The following CFAP65 variants were observed in gnomAD, a reference collection of about 807,000 sequenced individuals.
CFAP65 encodes cilia and flagella associated protein 65.
CFAP65 carries 155 observed loss-of-function variants against 208.0 expected under a neutral mutation model. The ratio of observed to expected loss-of-function variants is 0.75; its 90% CI spans 0.65 to 0.85. CFAP65 has a LOEUF of 0.85. CFAP65 is among the 40% of genes least tolerant of loss of function. CFAP65 has a pLI of 0.00. For synonymous variants in CFAP65, 970 were observed against 986.3 expected (o/e 0.98, Z 0.31); for missense variants, 2,294 against 2,451.3 (o/e 0.94, Z 1.36).
Position 219,040,536 on chromosome 2 carries a change from A to G in CFAP65, c.-20T>C. The G allele has an allele frequency of 6.6e-7, 1 of 1,518,950 alleles. No homozygotes were observed. Among genetic ancestry groups the G allele is most frequent in the Non-Finnish European group, 9.0e-7 (1 of 1,117,272 alleles). 94.1% of individuals were successfully genotyped at this position (1,518,950 alleles called of 1,614,324 possible). A position where few individuals can be genotyped will look rare whatever the true frequency, so the allele number is the denominator to read the frequency against. ...GCTCCTACCTCCAATTGTGAACTGGACGTTCAGATGAAATCAAAGAAATGT... is the reference window on the plus strand; with the variant it reads ...GCTCCTACCTCCAATTGTGAACTGGGCGTTCAGATGAAATCAAAGAAATGT... On this transcript the variant is annotated 5_prime_UTR_variant, in exon 2 of 35. Transcript: ENST00000341552.
rs1234867551 is a variant in CFAP65, at chr2:219,028,024, A to T, written c.1852-15T>A. 4.0e-6 allele frequency: 6 copies of T among 1,517,952 alleles called. No individual in the cohort carries two copies. The highest frequency in any genetic ancestry group is 2.8e-5 in the African/African-American group (2 of 71,808). 94.0% of individuals were successfully genotyped at this position (1,517,952 alleles called of 1,614,324 possible). On this transcript the variant is annotated splice_polypyrimidine_tract_variant and intron_variant, in intron 12 of 34. Coordinates refer to ENST00000341552, the MANE Select transcript of CFAP65 (RefSeq NM_194302.4). The stretch of plus-strand genomic sequence containing the variant: ...TCCTCCAGATCCTGCATGGGGAAAG[A>T]CAGGTGGATAGGGCTCAACTGCCAT...
chr2:219,009,834 G>C (rs1206448348), intron 27 of CFAP65, 108 bp downstream of exon 27: 1 of 931,484 alleles, frequency 1.1e-6, no homozygotes, highest in Admixed American at 3.6e-5. Flanking sequence ...GATGGGATGG[G>C]GTTTGTGGGG....
At chr2:219,016,376 C>A (rs1946887249) in intron 21 of CFAP65, among the ~76,000 whole-genome samples, 1 of 145,050 alleles carries the variant, frequency 6.9e-6, no homozygotes. Context: ...CTCACTGCAA[C>A]CTCCACCTTC....
At chr2:219,006,699 T>C (rs1295922509) in intron 29 of CFAP65, among the ~76,000 whole-genome samples, 190 bp from the exon 30 acceptor site, 1 of 152,124 alleles carries the variant, frequency 6.6e-6, no homozygotes, top group African/African-American at 2.4e-5. Context: ...TCAGATGCGG[T>C]AGCACGTGCC....
At chr2:219,014,887 A>C (rs1574560344) in intron 21 of CFAP65, 1 of 151,238 alleles carries the variant, frequency 6.6e-6, no homozygotes, top group Non-Finnish European at 1.5e-5. Context: ...CGCAACAAAC[A>C]CCTGAGAGGA....
At chr2:219,034,917 G>A (rs1948259650) in intron 5 of CFAP65, 1 of 159,998 alleles carries the variant, frequency 6.3e-6, no homozygotes, top group Admixed American at 6.3e-5. Flanking sequence ...GCTGGTGGGT[G>A]TCTAAAGAAA....
intron 14 of CFAP65, among the ~76,000 whole-genome samples, chr2:219,024,863 G>A (rs1255083923): frequency 6.6e-6 from 1 of 152,196 alleles, no homozygotes; most frequent in Non-Finnish European, 1.5e-5. Context: ...TTGAACCCAG[G>A]AGGCAGAGGT....
chr2:219,023,179 G>A (rs771323798), intron 16 of CFAP65, 28 bp downstream of exon 16: 109 of 1,580,336 alleles, frequency 6.9e-5, no homozygotes, highest in East Asian at 2.7e-4. Flanking sequence ...GAAGGTTGCC[G>A]TCACTCGGCA....
chr2:219,041,318 C>T, intron 1 of CFAP65, 170 bp downstream of exon 1: 1 of 607,134 alleles, frequency 1.6e-6, no homozygotes. Context: ...GATCCTTAGT[C>T]TGATTGATCT....
Position 219,003,895 on chromosome 2 carries a change from C to T in CFAP65, c.5555+57G>A, listed in dbSNP as rs1375570119. 28 of 1,563,902 alleles carry T rather than the reference C, an allele frequency of 1.8e-5. No homozygotes were observed. Among genetic ancestry groups the T allele is most frequent in the Admixed American group, 3.5e-5 (2 of 56,922 alleles). On this transcript the variant is annotated intron_variant, in intron 33 of 34. Transcript: ENST00000341552. This position sits in a 1 kb window ranked among gnomAD's most constrained non-coding sequence, Gnocchi z 4.4. ...GCCATCCTTGGCATCCCACTGCCTC[C>T]TAGGAACCTTCTGCACTTCGCCTCC... is the stretch of plus-strand genomic sequence containing the variant.
chr2:219,021,760 C>G lies in CFAP65; in HGVS notation c.3130+20G>C. The G allele has an allele frequency of 6.2e-7, 1 of 1,612,404 alleles. No homozygotes were observed. The highest frequency in any genetic ancestry group is 8.5e-7 in the Non-Finnish European group (1 of 1,179,472). On this transcript the variant is annotated intron_variant, in intron 18 of 34. Transcript: ENST00000341552. ...TCCTCCCACCTCCCCTGGCCCCAGT[C>G]CCAGCTCAGGCCCAAGTACCGAGGG...
Position 219,013,291 on chromosome 2 carries a change from T to A in CFAP65, c.3925A>T (p.Ile1309Phe). Reference protein sequence around the residue: ...FTSTTHQFIPIPIGDTLPPRQ... With the variant: ...FTSTTHQFIPFPIGDTLPPRQ... ...GGGGGTAGCGTGTCACCAATGGGAA[T>A]GGGGATGAACTGGTGGGTAGTAGAG... Residue 1309 changes from isoleucine (I) to phenylalanine (F), a missense_variant, in exon 24 of 35, where the codon ATT (isoleucine) becomes TTT (phenylalanine). Ile to Phe is a conservative substitution (Grantham distance 21). This residue lies in a region of CFAP65 where 1,427 missense variants were observed against 1,438.7 expected (regional missense o/e 0.99). Transcript: ENST00000341552. The A allele has an allele frequency of 6.2e-7, 1 of 1,613,912 alleles. No individual in the cohort carries two copies.
chr2:219,013,428 T>C, intron 23 of CFAP65, 59 bp from the exon 24 acceptor site: 1 of 1,537,418 alleles, frequency 6.5e-7, no homozygotes, highest in Middle Eastern at 1.7e-4. Context: ...TGGACCCCAG[T>C]TCCCCAGGAG....
chr2:219,023,946 C>G (rs1015037907), intron 15 of CFAP65, 69 bp downstream of exon 15: 2 of 1,546,912 alleles, frequency 1.3e-6, no homozygotes, highest in Non-Finnish European at 1.8e-6. Flanking sequence ...CAGAATATGG[C>G]CTTGAAAAGG....
In CFAP65 at chr2:219,004,541, G is replaced by T; in HGVS notation, c.5052-86C>A. The T allele has an allele frequency of 6.9e-7, 1 of 1,448,368 alleles. No individual in the cohort carries two copies. Among genetic ancestry groups the T allele is most frequent in the South Asian group, 1.4e-5 (1 of 72,768 alleles). The allele number at this position is 1,448,368 out of a possible 1,614,324, so 89.7% of individuals were successfully genotyped here. Reference sequence around the variant, plus strand: ...CTGGCTTCAGAGCTAGGTTCTAGGTGGGAAAGGGGCTGCTAGGTGGGGAGA... The same window carrying T: ...CTGGCTTCAGAGCTAGGTTCTAGGTTGGAAAGGGGCTGCTAGGTGGGGAGA... On this transcript the variant is annotated intron_variant, in intron 32 of 34. Transcript: ENST00000341552. This position sits in a 1 kb window ranked among gnomAD's most constrained non-coding sequence, Gnocchi z 4.7.
intron 24 of CFAP65, among the ~76,000 whole-genome samples, chr2:219,012,936 G>T (rs539432531): frequency 1.4e-3 from 213 of 152,266 alleles, no homozygotes; most frequent in African/African-American, 4.7e-3. Flanking sequence ...GTATATACTG[G>T]GGTGTAAGCA....
Position 219,030,813 on chromosome 2 carries a change from A to T in CFAP65, c.1037T>A (p.Val346Glu), listed in dbSNP as rs1947965468. The change falls in exon 9 of 35, where the codon GTG becomes GAG. Residue 346 changes from valine (V) to glutamate (E), a missense_variant. Val to Glu is a moderately radical substitution (Grantham distance 121). This residue lies in a region of CFAP65 where 867 missense variants were observed against 1,012.6 expected (regional missense o/e 0.86). Coordinates refer to ENST00000341552, the MANE Select transcript of CFAP65 (RefSeq NM_194302.4). ...QAVAKCAQLL[V>E]SIKHKCPEDQ... ...CTCCGGGCACTTGTGCTTTATGCTC[A>T]CCAGCAGCTGGGCGCACTTGGCTGG... is the stretch of plus-strand genomic sequence containing the variant. The T allele has an allele frequency of 6.2e-7, 1 of 1,613,956 alleles. No homozygotes were observed. Among genetic ancestry groups the T allele is most frequent in the African/African-American group, 1.3e-5 (1 of 74,940 alleles).
chr2:219,010,680 C>G lies in CFAP65; in HGVS notation c.4174G>C (p.Gly1392Arg), dbSNP rs753898309. The G allele has an allele frequency of 3.5e-5, 56 of 1,609,838 alleles. No homozygotes were observed. The highest frequency in any genetic ancestry group is 4.7e-5 in the Non-Finnish European group (55 of 1,178,590). The change falls in exon 26 of 35, where the codon GGA (glycine) becomes CGA (arginine). Residue 1392 changes from glycine (G) to arginine (R), a missense_variant. Gly to Arg is a moderately radical substitution (Grantham distance 125). Around this residue, in one of 2 missense-constraint regions of CFAP65, gnomAD observed 1,427 missense variants for 1,438.7 expected, o/e 0.99. Transcript: ENST00000341552. The stretch of plus-strand genomic sequence containing the variant: ...AAGTGGATGAGGGCCGAGTTCCATC[C>G]CAGGATGTGTATGGGCACGTCCACC... ...YTVDVPIHIL[G>R]WNSALIHFQG...
Position 219,023,354 on chromosome 2 carries a change from G to C in CFAP65, c.2673C>G (p.Thr891=), listed in dbSNP as rs746212984. Residue 891 remains threonine, a synonymous_variant, in exon 16 of 35, where the codon ACC becomes ACG. Coordinates refer to ENST00000341552, the MANE Select transcript of CFAP65 (RefSeq NM_194302.4). ...GGCTGGTGGAGGAGCAGCCCACCCAGGTGGGCTTGAAGTAGAGGCTTTTGT... is the reference window on the plus strand; with the variant it reads ...GGCTGGTGGAGGAGCAGCCCACCCACGTGGGCTTGAAGTAGAGGCTTTTGT... ...DTHKSLYFKP[T]WVGCSSTSPF... 1.9e-6 allele frequency: 3 copies of C among 1,609,808 alleles called. No individual in the cohort carries two copies. Among genetic ancestry groups the C allele is most frequent in the African/African-American group, 1.3e-5 (1 of 75,046 alleles).
Sources: allele counts gnomAD v4.1 joint callset (sites outside exome capture counted in the v4.1 genomes callset), GRCh38; gene constraint gnomAD v4.1.1; regional missense constraint gnomAD v4.1.1; non-coding constraint Gnocchi (gnomAD v3.1); transcripts MANE v1.5; gene names NCBI Gene and HGNC (gene_info 2026-07-23, HGNC 2026-07-21).